SLCO3A1: variants seen among roughly 807,000 people sequenced by gnomAD.
The protein encoded by SLCO3A1 is PGE1 transporter.
SLCO3A1 carries 27 observed loss-of-function variants against 63.1 expected under a neutral mutation model. The observed-to-expected ratio is 0.43, with a 90% CI of 0.32 to 0.59. SLCO3A1 has a LOEUF of 0.59. SLCO3A1 is among the 20% of genes least tolerant of loss of function. The pLI is 0.09. For missense variants in SLCO3A1, 773 were observed against 945.8 expected, an observed-to-expected ratio of 0.82 and a Z score of 2.40; for synonymous variants, 473 against 409.9, an observed-to-expected ratio of 1.15 and a Z score of -1.86.
chr15:91,957,093 AT>A (rs1567037535), intron 2 of SLCO3A1, among the ~76,000 whole-genome samples: 4 of 302 alleles, frequency 0.013, 1 homozygote, highest in Non-Finnish European at 0.023. Context: ...AGTATATATA[AT>A]ATATATAATA....
In SLCO3A1 at chr15:92,086,356, A is replaced by G. The variant is rs188259235; in HGVS notation, c.647-8525A>G. 1.1e-4 allele frequency among the ~76,000 whole-genome samples: 16 copies of G among 152,272 alleles called. No homozygotes were observed. In the East Asian group the frequency reaches 2.7e-3, roughly 26 times the overall value. On this transcript the variant is annotated intron_variant, in intron 2 of 9. Transcript: ENST00000318445. ...TGGGGTCTAAATTTATAATTCTCTGAATTCTAATGAGACTGACCATTTTCT... is the reference window on the plus strand; with the variant it reads ...TGGGGTCTAAATTTATAATTCTCTGGATTCTAATGAGACTGACCATTTTCT...
Position 91,968,705 on chromosome 15 carries a change from A to C in SLCO3A1, c.646+52247A>C, listed in dbSNP as rs1476387875. Among the ~76,000 whole-genome samples, 3 of 152,228 alleles carry C rather than the reference A, an allele frequency of 2.0e-5. No homozygotes were observed. Among genetic ancestry groups the C allele is most frequent in the Admixed American group, 6.5e-5 (1 of 15,288 alleles). On this transcript the variant is annotated intron_variant, in intron 2 of 9. Coordinates refer to ENST00000318445, the MANE Select transcript of SLCO3A1 (RefSeq NM_013272.4). The surrounding 1 kb of genome is among the most constrained non-coding windows in gnomAD (Gnocchi z 4.2). ...GGTGCACACGCAGACCCGCAAGCAC[A>C]GCCTTCGCACGTGTGCTCACACAGC...
intron 2 of SLCO3A1, among the ~76,000 whole-genome samples, chr15:91,932,738 C>T (rs574282151): frequency 3.3e-5 from 5 of 152,290 alleles, no homozygotes; most frequent in South Asian, 2.1e-4. Flanking sequence ...CCACCGTGCC[C>T]GGCCTATTTG....
intron 2 of SLCO3A1, among the ~76,000 whole-genome samples, chr15:92,063,943 G>A (rs1404717147): frequency 1.3e-5 from 2 of 152,166 alleles, no homozygotes; most frequent in African/African-American, 4.8e-5. Flanking sequence ...CCATTATCCT[G>A]TGGAACCCTT....
At chr15:91,999,021 C>A (rs917206604) in intron 2 of SLCO3A1, among the ~76,000 whole-genome samples, 17 of 152,184 alleles carry the variant, frequency 1.1e-4, no homozygotes, top group Non-Finnish European at 2.5e-4. Context: ...TTATCCTAAG[C>A]AAATTATGCA....
rs1457141010 is a variant in SLCO3A1 at position 91,948,171 on chromosome 15, T to A, written c.646+31713T>A. ...GTGGAAGCCCTGGCCCTTTGTTACC[T>A]GCCCTTTGTTTCAGTGCCATGCGGC... On this transcript the variant is annotated intron_variant, in intron 2 of 9. Transcript: ENST00000318445. This position sits in a 1 kb window ranked among gnomAD's most constrained non-coding sequence, Gnocchi z 4.8. Among the ~76,000 whole-genome samples the A allele has an allele frequency of 6.6e-6, 1 of 152,222 alleles. No homozygotes were observed. The highest frequency in any genetic ancestry group is 1.5e-5 in the Non-Finnish European group (1 of 68,040).
At chr15:91,962,294 A>G (rs1900476946) in intron 2 of SLCO3A1, among the ~76,000 whole-genome samples, 1 of 152,090 alleles carries the variant, frequency 6.6e-6, no homozygotes, top group Non-Finnish European at 1.5e-5. Context: ...AACCTGACCA[A>G]CATGGAGAAA....
Position 92,163,775 on chromosome 15 carries a change from A to G in SLCO3A1, c.*640A>G. ...GCCCCAGAGTTCTCTCAGTGATGCTAATGGGTGATCCGTGCTGGAGTTTGT... is the reference window on the plus strand; with the variant it reads ...GCCCCAGAGTTCTCTCAGTGATGCTGATGGGTGATCCGTGCTGGAGTTTGT... On this transcript the variant is annotated 3_prime_UTR_variant, in exon 10 of 10. Coordinates refer to ENST00000318445, the MANE Select transcript of SLCO3A1 (RefSeq NM_013272.4). 1.0e-6 allele frequency: 1 copy of G among 985,390 alleles called. No homozygotes were observed. The allele number at this position is 985,390 out of a possible 1,614,324, so 61.0% of individuals were successfully genotyped here.
intron 2 of SLCO3A1, among the ~76,000 whole-genome samples, chr15:92,054,977 T>G (rs1330363874): frequency 6.6e-6 from 1 of 152,208 alleles, no homozygotes; most frequent in Non-Finnish European, 1.5e-5. Flanking sequence ...AGTAATGGAA[T>G]TGCTGGGTCA....
intron 2 of SLCO3A1, among the ~76,000 whole-genome samples, chr15:91,955,721 A>T (rs558763734): frequency 6.6e-6 from 1 of 152,276 alleles, no homozygotes; most frequent in Non-Finnish European, 1.5e-5. Flanking sequence ...AATTTGACAC[A>T]TGAAATCATC....
At chr15:91,876,029 G>A (rs1442351500) in intron 1 of SLCO3A1, among the ~76,000 whole-genome samples, 1 of 152,214 alleles carries the variant, frequency 6.6e-6, no homozygotes, top group African/African-American at 2.4e-5. Flanking sequence ...CCTCAGCTGA[G>A]CGTGGTGGCT....
chr15:92,008,257 A>ACCC (rs1241841313), intron 2 of SLCO3A1, among the ~76,000 whole-genome samples: 5 of 152,194 alleles, frequency 3.3e-5, no homozygotes, highest in Admixed American at 2.0e-4. Context: ...CAAAACCTGG[A>ACCC]CCCAGCAAGT....
intron 2 of SLCO3A1, among the ~76,000 whole-genome samples, chr15:92,028,538 G>A (rs1379022651): frequency 6.6e-6 from 1 of 152,156 alleles, no homozygotes; most frequent in Non-Finnish European, 1.5e-5. Context: ...AAGATGAGGA[G>A]AGAAAAGACA....
intron 5 of SLCO3A1, among the ~76,000 whole-genome samples, chr15:92,122,867 A>C (rs1055362169): frequency 6.6e-6 from 1 of 152,242 alleles, no homozygotes; most frequent in Non-Finnish European, 1.5e-5. Flanking sequence ...TGAATCTCAC[A>C]GAGTTGAAAG....
chr15:91,920,328 A>G (rs138219821), intron 2 of SLCO3A1, among the ~76,000 whole-genome samples: 6 of 152,278 alleles, frequency 3.9e-5, no homozygotes, highest in African/African-American at 1.2e-4. Context: ...ATTCCACGAG[A>G]CAGCCCGAAG....
intron 2 of SLCO3A1, among the ~76,000 whole-genome samples, chr15:92,021,035 A>G (rs2046502875): frequency 6.6e-6 from 1 of 152,176 alleles, no homozygotes; most frequent in African/African-American, 2.4e-5. Flanking sequence ...CCTACCTCTG[A>G]GGGTTGTAGT....
Position 91,872,932 on chromosome 15 carries a change from T to C in SLCO3A1, c.180+18844T>C, listed in dbSNP as rs560740092. 9.2e-5 allele frequency among the ~76,000 whole-genome samples: 14 copies of C among 152,356 alleles called. No individual in the cohort carries two copies. The South Asian group carries it at 2.3e-3, about 25-fold the overall frequency. ...AAAGACCTGTTATACATTCCAGGGC[T>C]GGTCACAGGGCCCCTGCTCCTGGCA... On this transcript the variant is annotated intron_variant, in intron 1 of 9. Transcript: ENST00000318445. The surrounding 1 kb of genome is among the most constrained non-coding windows in gnomAD (Gnocchi z 4.1).
At chr15:92,083,558 A>G (rs1363449765) in intron 2 of SLCO3A1, among the ~76,000 whole-genome samples, 6 of 152,206 alleles carry the variant, frequency 3.9e-5, no homozygotes, top group Non-Finnish European at 7.3e-5. Context: ...TTCTATTGCA[A>G]TAGATAATTG....
At chr15:92,097,251 G>A (rs1476799110) in intron 3 of SLCO3A1, among the ~76,000 whole-genome samples, 2 of 151,894 alleles carry the variant, frequency 1.3e-5, no homozygotes, top group Middle Eastern at 6.3e-3. Flanking sequence ...GTCACAGAGA[G>A]GGGAAGGGAT....
Sources: allele counts gnomAD v4.1 joint callset (sites outside exome capture counted in the v4.1 genomes callset), GRCh38; gene constraint gnomAD v4.1.1; non-coding constraint Gnocchi (gnomAD v3.1); transcripts MANE v1.5; gene names NCBI Gene and HGNC (gene_info 2026-07-23, HGNC 2026-07-21).